The following RBFOX1 variants were observed in gnomAD, a reference collection of about 807,000 sequenced individuals.
RBFOX1 encodes RNA binding fox-1 homolog 1.
A neutral mutation model predicts 57.7 loss-of-function variants in RBFOX1; 8 were observed. The observed-to-expected ratio is 0.14, with a 90% CI of 0.08 to 0.25. The LOEUF is 0.25. Among genes scored for constraint, RBFOX1 ranks in the 10% least tolerant of loss-of-function variants. The probability of loss-of-function intolerance (pLI) is 1.00; values close to 1 mark genes in which losing one functional copy is unlikely to be tolerated. For missense variants in RBFOX1, 611 were observed against 548.5 expected (o/e 1.11, Z -1.14); for synonymous variants, 326 against 222.4 (o/e 1.47, Z -4.15).
intron 4 of RBFOX1, among the ~76,000 whole-genome samples, chr16:7,506,996 C>A (rs1229348888): frequency 6.6e-6 from 1 of 152,076 alleles, no homozygotes; most frequent in Non-Finnish European, 1.5e-5. Context: ...TAGATTTTTC[C>A]CTCTAAAGCA....
intron 2 of RBFOX1, among the ~76,000 whole-genome samples, chr16:5,491,745 C>G (rs2042836349): frequency 6.6e-6 from 1 of 152,230 alleles, no homozygotes; most frequent in African/African-American, 2.4e-5. Flanking sequence ...CAAGCCAGTG[C>G]TGGAGCCTGG....
intron 3 of RBFOX1, among the ~76,000 whole-genome samples, chr16:5,784,859 A>G (rs996915275): frequency 4.6e-5 from 7 of 152,054 alleles, no homozygotes; most frequent in African/African-American, 1.7e-4. Flanking sequence ...CTCACCAGAC[A>G]CTGAATCTCC....
intron 15 of RBFOX1, 148 bp downstream of exon 15, chr16:7,709,279 C>T: frequency 1.1e-6 from 1 of 938,642 alleles, no homozygotes; most frequent in East Asian, 2.7e-5. Context: ...CACATTAATC[C>T]TCCCAGTAAA....
intron 3 of RBFOX1, among the ~76,000 whole-genome samples, chr16:6,698,011 C>T (rs940857932): frequency 6.6e-6 from 1 of 152,136 alleles, no homozygotes; most frequent in African/African-American, 2.4e-5. Context: ...AACTTATTAT[C>T]CTCCTCAGTA....
rs550828837 is a variant in RBFOX1 at position 6,909,271 on chromosome 16, G to T, written c.-15-142786G>T. 4.6e-5 allele frequency among the ~76,000 whole-genome samples: 7 copies of T among 152,182 alleles called. No homozygotes were observed. The South Asian group carries it at 1.0e-3, about 23-fold the overall frequency. On this transcript the variant is annotated intron_variant, in intron 3 of 15. Coordinates refer to ENST00000550418, the MANE Select transcript of RBFOX1 (RefSeq NM_018723.4). ...CCTTTTCATCTTCAAAGCCAGCATT[G>T]TGGCCTTCAGACTCCAGCCCTGGCT... is the stretch of plus-strand genomic sequence containing the variant.
At chr16:7,044,376 C>A (rs1040092291) in intron 3 of RBFOX1, among the ~76,000 whole-genome samples, 2 of 152,140 alleles carry the variant, frequency 1.3e-5, no homozygotes, top group African/African-American at 4.8e-5. Context: ...GCAGGAAGAA[C>A]TGATAAGAGA....
At chr16:6,166,182 C>A (rs1311429610) in intron 1 of RBFOX1, among the ~76,000 whole-genome samples, 1 of 152,160 alleles carries the variant, frequency 6.6e-6, no homozygotes, top group Non-Finnish European at 1.5e-5. Context: ...CAGTCACTGA[C>A]CTTGAAATAG....
intron 3 of RBFOX1, among the ~76,000 whole-genome samples, chr16:7,000,596 C>CTTTTTTTTTTTTTTTTTTTT (rs759103545): frequency 2.2e-5 from 2 of 92,570 alleles, no homozygotes; most frequent in African/African-American, 4.2e-5. Context: ...CTTTTTCTTT[C>CTTTTTTTTTTTTTTTTTTTT]TTTTTTTTTT....
intron 3 of RBFOX1, among the ~76,000 whole-genome samples, chr16:6,840,156 C>A (rs1474980506): frequency 6.6e-6 from 1 of 152,076 alleles, no homozygotes; most frequent in Non-Finnish European, 1.5e-5. Context: ...AATCAGGCAC[C>A]GTTTTGCCAG....
intron 3 of RBFOX1, among the ~76,000 whole-genome samples, chr16:6,881,181 G>C (rs907387449): frequency 6.6e-6 from 1 of 152,166 alleles, no homozygotes; most frequent in African/African-American, 2.4e-5. Flanking sequence ...AAACCCATTT[G>C]CTCTCCCAAG....
chr16:6,056,879 T>C (rs2095621220), intron 1 of RBFOX1: 1 of 150,686 alleles, frequency 6.6e-6, no homozygotes, highest in South Asian at 2.1e-4. Context: ...GGAAGTGAGC[T>C]GCATACAGAA....
chr16:6,145,883 A>C (rs1040095085), intron 1 of RBFOX1, among the ~76,000 whole-genome samples: 2 of 152,140 alleles, frequency 1.3e-5, no homozygotes, highest in African/African-American at 4.8e-5. Context: ...AGACTCTCTC[A>C]CTCCTGGGGC....
intron 4 of RBFOX1, among the ~76,000 whole-genome samples, chr16:7,191,436 C>G (rs2152634147): frequency 6.6e-6 from 1 of 151,920 alleles, no homozygotes; most frequent in African/African-American, 2.4e-5. Context: ...GTCCTCATGG[C>G]TTGTAACACA....
At chr16:5,897,448 A>G (rs17138800) in intron 4 of RBFOX1, among the ~76,000 whole-genome samples, 8,360 of 152,258 alleles carry the variant, frequency 0.055, 739 homozygotes, top group African/African-American at 0.19. Flanking sequence ...TCATATTCCT[A>G]TCATCACTAC....
At chr16:5,338,048 A>T (rs2064942165) in intron 1 of RBFOX1, among the ~76,000 whole-genome samples, 1 of 152,188 alleles carries the variant, frequency 6.6e-6, no homozygotes, top group Admixed American at 6.5e-5. Flanking sequence ...TGTCTCTAAA[A>T]AGAAAAAGAA....
chr16:6,609,698 A>C lies in RBFOX1; in HGVS notation c.-63-44905A>C, dbSNP rs1035992098. On this transcript the variant is annotated intron_variant, in intron 2 of 15. Coordinates refer to ENST00000550418, the MANE Select transcript of RBFOX1 (RefSeq NM_018723.4). ...CCAGATGGTTCAGTGTTTCCTTCATAGATAACCCCCTTTAAAAACACTAGC... is the reference window on the plus strand; with the variant it reads ...CCAGATGGTTCAGTGTTTCCTTCATCGATAACCCCCTTTAAAAACACTAGC... 3.3e-5 allele frequency among the ~76,000 whole-genome samples: 5 copies of C among 152,268 alleles called. No individual in the cohort carries two copies. The South Asian group carries it at 1.0e-3, about 32-fold the overall frequency.
At chr16:5,777,983 A>G (rs2054200698) in intron 3 of RBFOX1, among the ~76,000 whole-genome samples, 2 of 152,144 alleles carry the variant, frequency 1.3e-5, no homozygotes, top group Admixed American at 1.3e-4. Flanking sequence ...CATTTTGCAG[A>G]GTAGAAAACA....
chr16:6,907,256 G>T (rs1306434882), intron 3 of RBFOX1, among the ~76,000 whole-genome samples: 1 of 152,162 alleles, frequency 6.6e-6, no homozygotes, highest in Non-Finnish European at 1.5e-5. Flanking sequence ...CCGAAGCAAA[G>T]CGTTTGTAGT....
At chr16:5,738,506 C>T (rs1344055364) in intron 3 of RBFOX1, among the ~76,000 whole-genome samples, 4 of 151,460 alleles carry the variant, frequency 2.6e-5, no homozygotes, top group East Asian at 3.9e-4. Context: ...TGGTGGTGCA[C>T]GTCTGTAATC....
Sources: allele counts gnomAD v4.1 joint callset (sites outside exome capture counted in the v4.1 genomes callset), GRCh38; gene constraint gnomAD v4.1.1; transcripts MANE v1.5; gene names NCBI Gene and HGNC (gene_info 2026-07-23, HGNC 2026-07-21).